DAB1: variants seen among roughly 807,000 people sequenced by gnomAD.
The protein encoded by DAB1 is DAB adaptor protein 1.
Under a neutral mutation model 64.6 loss-of-function variants are expected in DAB1, and 15 were observed. The observed-to-expected ratio is 0.23, with a 90% CI of 0.16 to 0.36. The LOEUF is 0.36. Ranked by LOEUF, DAB1 falls within the 10% of genes least tolerant of loss-of-function variation. The pLI is 1.00. For synonymous variants in DAB1, 235 were observed against 251.9 expected (o/e 0.93, Z 0.64); for missense variants, 596 against 706.7 (o/e 0.84, Z 1.78).
At chr1:57,195,035 T>C (rs554563987) in intron 2 of DAB1, among the ~76,000 whole-genome samples, 127 of 152,342 alleles carry the variant, frequency 8.3e-4, no homozygotes, top group Middle Eastern at 3.4e-3. Context: ...AAATGATTAA[T>C]GAATGGAAAA....
intron 2 of DAB1, among the ~76,000 whole-genome samples, chr1:57,265,674 CAA>C (rs1375739359): frequency 6.6e-6 from 1 of 152,082 alleles, no homozygotes; most frequent in Admixed American, 6.5e-5. Context: ...TAATTTTGTG[CAA>C]AGTTTCTATG....
chr1:57,288,469 G>A (rs1672508672), intron 2 of DAB1, among the ~76,000 whole-genome samples: 1 of 152,096 alleles, frequency 6.6e-6, no homozygotes, highest in African/African-American at 2.4e-5. Context: ...TGTGAGTGTG[G>A]GGCTCTTGTG....
At chr1:57,627,105 A>C (rs1242813398) in intron 7 of DAB1, among the ~76,000 whole-genome samples, 1 of 152,216 alleles carries the variant, frequency 6.6e-6, no homozygotes, top group Non-Finnish European at 1.5e-5. Flanking sequence ...GGGCCTGAAT[A>C]GAACAAAAGG....
At chr1:57,218,853 C>G (rs946565159) in intron 2 of DAB1, among the ~76,000 whole-genome samples, 2 of 152,042 alleles carry the variant, frequency 1.3e-5, no homozygotes, top group Non-Finnish European at 2.9e-5. Context: ...GGGCCTTAGA[C>G]CTATTTCTCT....
intron 14 of DAB1, among the ~76,000 whole-genome samples, chr1:57,010,331 C>A (rs1383552016): frequency 6.6e-6 from 1 of 152,104 alleles, no homozygotes; most frequent in Non-Finnish European, 1.5e-5. Flanking sequence ...ACCAACCACG[C>A]AGAACATATT....
intron 1 of DAB1, among the ~76,000 whole-genome samples, chr1:57,381,971 T>A (rs1165206160): frequency 6.6e-6 from 1 of 152,202 alleles, no homozygotes; most frequent in Non-Finnish European, 1.5e-5. Context: ...GGCTGCTTCC[T>A]GCTGATCACA....
chr1:57,539,059 C>T (rs1570607950), intron 7 of DAB1, among the ~76,000 whole-genome samples: 1 of 152,214 alleles, frequency 6.6e-6, no homozygotes, highest in Non-Finnish European at 1.5e-5. Context: ...ACGTTGCTCC[C>T]TCAGCTCTCA....
intron 2 of DAB1, among the ~76,000 whole-genome samples, chr1:57,245,884 T>C (rs930850289): frequency 1.3e-5 from 2 of 152,208 alleles, no homozygotes; most frequent in Non-Finnish European, 1.5e-5. Context: ...GTTGAACTAA[T>C]TTACACTCTC....
At chr1:57,855,336 C>A (rs1271771047) in intron 1 of DAB1, among the ~76,000 whole-genome samples, 7 of 152,084 alleles carry the variant, frequency 4.6e-5, no homozygotes, top group Non-Finnish European at 1.0e-4. Flanking sequence ...AGGCCATATC[C>A]CCCTGAGGAC....
intron 3 of DAB1, among the ~76,000 whole-genome samples, chr1:58,490,233 A>G (rs995442625): frequency 6.6e-6 from 1 of 152,254 alleles, no homozygotes; most frequent in East Asian, 1.9e-4. Flanking sequence ...TAACCAATGC[A>G]GAGAAGTCCT....
At chr1:57,179,846 C>T (rs12041971) in intron 2 of DAB1, among the ~76,000 whole-genome samples, 12,559 of 152,146 alleles carry the variant, frequency 0.083, 1,060 homozygotes, top group African/African-American at 0.21. Flanking sequence ...TTGGAACAGA[C>T]GGTGGACATC....
chr1:57,764,265 G>A (rs1045652144), intron 6 of DAB1, among the ~76,000 whole-genome samples: 4 of 151,990 alleles, frequency 2.6e-5, no homozygotes, highest in African/African-American at 9.7e-5. Flanking sequence ...AGTGGGTTTT[G>A]GTTTTAGTTT....
intron 2 of DAB1, among the ~76,000 whole-genome samples, chr1:58,521,021 G>A (rs1646253775): frequency 6.6e-6 from 1 of 152,126 alleles, no homozygotes. Context: ...ACGTCATTTT[G>A]ACAAAATTGA....
intron 6 of DAB1, among the ~76,000 whole-genome samples, chr1:57,664,122 G>A (rs996628617): frequency 6.6e-6 from 1 of 151,976 alleles, no homozygotes; most frequent in Non-Finnish European, 1.5e-5. Flanking sequence ...TGAATTAAAT[G>A]GGGGAAAAAA....
intron 9 of DAB1, among the ~76,000 whole-genome samples, chr1:57,057,462 T>G (rs1649884100): frequency 6.6e-6 from 1 of 152,208 alleles, no homozygotes; most frequent in Non-Finnish European, 1.5e-5. Flanking sequence ...AGGCAAGGGA[T>G]GTAACTGATA....
chr1:57,238,820 C>G (rs1011540681), intron 2 of DAB1, among the ~76,000 whole-genome samples: 2 of 150,626 alleles, frequency 1.3e-5, no homozygotes, highest in Non-Finnish European at 2.9e-5. Context: ...CATACACACA[C>G]TGGCAGGCGT....
chr1:57,655,958 C>T (rs1392017092), intron 6 of DAB1, among the ~76,000 whole-genome samples: 1 of 152,126 alleles, frequency 6.6e-6, no homozygotes, highest in Non-Finnish European at 1.5e-5. Flanking sequence ...ACTCTCCACC[C>T]CTGCTAAATT....
chr1:57,012,714 G>C (rs1646302356), intron 12 of DAB1, among the ~76,000 whole-genome samples: 1 of 152,176 alleles, frequency 6.6e-6, no homozygotes, highest in Non-Finnish European at 1.5e-5. Flanking sequence ...ATTGAAAGTG[G>C]GTTTAAAGCT....
At chr1:57,161,673 T>C (rs1398649453) in intron 2 of DAB1, among the ~76,000 whole-genome samples, 1 of 152,224 alleles carries the variant, frequency 6.6e-6, no homozygotes, top group African/African-American at 2.4e-5. Flanking sequence ...TTTTTATTTT[T>C]TTAACTTTCT....
Sources: gnomAD v4.1 joint callset for allele counts (sites outside exome capture counted in the v4.1 genomes callset) on GRCh38, gnomAD v4.1.1 for gene constraint, MANE v1.5 for transcripts, NCBI Gene and HGNC (gene_info 2026-07-23, HGNC 2026-07-21) for gene names.